Variants in AOPEP observed in about 807,000 individuals in gnomAD.
AOPEP encodes the protein aminopeptidase O (putative).
In AOPEP, 77 loss-of-function variants were observed where a neutral mutation model predicts 98.1. The observed-to-expected ratio is 0.78, with a 90% CI of 0.65 to 0.95. The LOEUF is 0.95. Among genes scored for constraint, AOPEP ranks in the 40% least tolerant of loss-of-function variants. The pLI, the probability that AOPEP is intolerant of heterozygous loss-of-function variation, is 0.00. For synonymous variants in AOPEP, 346 were observed against 365.3 expected (o/e 0.95, Z 0.60); for missense variants, 1,024 against 1,024.7 (o/e 1.00, Z 0.01).
At chr9:94,762,175 C>T (rs917417868) in intron 2 of AOPEP, among the ~76,000 whole-genome samples, 9 of 152,170 alleles carry the variant, frequency 5.9e-5, no homozygotes, top group East Asian at 1.9e-4. Context: ...GGGCCAGGCG[C>T]GGTGGCTCAC....
the AOPEP span, among the ~76,000 whole-genome samples, chr9:95,119,330 C>T: frequency 6.6e-6 from 1 of 150,594 alleles, no homozygotes; most frequent in African/African-American, 2.4e-5. Context: ...TCCTAGCTAA[C>T]GGCTTGCTTT....
chr9:94,826,608 A>G (rs1854622074), intron 5 of AOPEP, among the ~76,000 whole-genome samples: 2 of 152,222 alleles, frequency 1.3e-5, no homozygotes, highest in Non-Finnish European at 2.9e-5. Context: ...GTTCTCCAAT[A>G]AAACTTTCTT....
chr9:94,837,831 TTCTC>T (rs2041805893), intron 5 of AOPEP, among the ~76,000 whole-genome samples: 2 of 152,214 alleles, frequency 1.3e-5, no homozygotes, highest in African/African-American at 4.8e-5. Context: ...GTTGAAAGCT[TTCTC>T]TCTGAGAACT....
chr9:94,921,626 G>A (rs926964973), intron 5 of AOPEP, among the ~76,000 whole-genome samples: 8 of 152,128 alleles, frequency 5.3e-5, no homozygotes, highest in Non-Finnish European at 1.0e-4. Context: ...CTTTGAGAAA[G>A]GTTATCAAAA....
intron 13 of AOPEP, among the ~76,000 whole-genome samples, chr9:95,049,564 A>G (rs1361861361): frequency 3.3e-5 from 5 of 152,244 alleles, no homozygotes; most frequent in Non-Finnish European, 7.3e-5. Context: ...AACTTCGGGA[A>G]GTTATAGGAA....
intron 10 of AOPEP, among the ~76,000 whole-genome samples, chr9:94,971,025 A>C (rs1327060898): frequency 1.3e-5 from 2 of 152,210 alleles, no homozygotes; most frequent in Non-Finnish European, 2.9e-5. Context: ...AATAAAGTGC[A>C]TTTTTAGTTT....
In AOPEP at chr9:94,967,739, T is replaced by C. The variant is rs570156402; in HGVS notation, c.1873-19T>C. The C allele has an allele frequency of 6.2e-7, 1 of 1,608,762 alleles. No individual in the cohort carries two copies. Among genetic ancestry groups the C allele is most frequent in the South Asian group, 1.1e-5 (1 of 90,926 alleles). On this transcript the variant is annotated intron_variant, in intron 9 of 16. Transcript: ENST00000375315. ...TTTATTGATGGACATCTTTAATGAT[T>C]TGCTTTTTTTAATCCCAGGATTTCC...
chr9:94,843,019 G>A (rs1305873624), intron 5 of AOPEP, among the ~76,000 whole-genome samples: 1 of 152,138 alleles, frequency 6.6e-6, no homozygotes, highest in Admixed American at 6.5e-5. Context: ...TCTTAGGTAT[G>A]TAAGTTTATG....
intron 13 of AOPEP, among the ~76,000 whole-genome samples, chr9:95,030,511 T>C (rs2064202962): frequency 6.6e-6 from 1 of 152,226 alleles, no homozygotes; most frequent in Non-Finnish European, 1.5e-5. Flanking sequence ...CCATCTCCTG[T>C]GTCCTGGAGT....
chr9:94,996,343 C>A (rs1253494984), intron 11 of AOPEP, among the ~76,000 whole-genome samples: 3 of 139,136 alleles, frequency 2.2e-5, no homozygotes, highest in Non-Finnish European at 4.6e-5. Context: ...GTGGATTTTA[C>A]TTGCCTCTGT....
chr9:94,900,174 C>T (rs2050197186), intron 5 of AOPEP, among the ~76,000 whole-genome samples: 1 of 152,162 alleles, frequency 6.6e-6, no homozygotes, highest in Non-Finnish European at 1.5e-5. Flanking sequence ...CTATGTGAGC[C>T]AACCTCTCAG....
the AOPEP span, among the ~76,000 whole-genome samples, chr9:95,115,189 G>A: frequency 3.3e-5 from 5 of 152,232 alleles, no homozygotes; most frequent in South Asian, 1.0e-3. Flanking sequence ...TGATCCTCCC[G>A]CCTTGGCCTC....
chr9:95,117,215 T>TCC, the AOPEP span: 3 of 1,021,662 alleles, frequency 2.9e-6, no homozygotes, highest in African/African-American at 4.7e-5. Flanking sequence ...CAGTTCTGTC[T>TCC]CCCTCATGCT....
At chr9:95,111,945 A>G in the AOPEP span, among the ~76,000 whole-genome samples, 1 of 152,212 alleles carries the variant, frequency 6.6e-6, no homozygotes, top group African/African-American at 2.4e-5. Flanking sequence ...CATGACCAAC[A>G]GGAATGTGGC....
At chr9:95,079,245 G>GT (rs1191566756) in intron 14 of AOPEP, among the ~76,000 whole-genome samples, 1 of 152,242 alleles carries the variant, frequency 6.6e-6, no homozygotes, top group Admixed American at 6.5e-5. Context: ...CTGTTTGCAT[G>GT]TAAACCTATT....
chr9:94,811,683 A>T (rs1413440897), intron 5 of AOPEP, among the ~76,000 whole-genome samples: 2 of 152,206 alleles, frequency 1.3e-5, no homozygotes, highest in African/African-American at 2.4e-5. Flanking sequence ...AGGCCACTGC[A>T]GGAAATTGCA....
chr9:95,050,804 A>G (rs1455602546), intron 13 of AOPEP, among the ~76,000 whole-genome samples: 2 of 152,248 alleles, frequency 1.3e-5, no homozygotes, highest in Non-Finnish European at 2.9e-5. Flanking sequence ...AAAAATATTT[A>G]TGTTGTCTTG....
intron 5 of AOPEP, among the ~76,000 whole-genome samples, chr9:94,828,270 T>C (rs918553431): frequency 1.3e-5 from 2 of 152,234 alleles, no homozygotes; most frequent in Non-Finnish European, 2.9e-5. Context: ...TGGTGTCATA[T>C]TTAAGAATTC....
chr9:95,006,178 TAAAA>T (rs1442864864), intron 13 of AOPEP: 5 of 448,408 alleles, frequency 1.1e-5, no homozygotes, highest in African/African-American at 4.1e-5. Flanking sequence ...GATTTTGTAT[TAAAA>T]CTTGATTTGT....
Sources: allele counts gnomAD v4.1 joint callset (sites outside exome capture counted in the v4.1 genomes callset), GRCh38; gene constraint gnomAD v4.1.1; transcripts MANE v1.5; gene names NCBI Gene and HGNC (gene_info 2026-07-23, HGNC 2026-07-21).